ERBB4: variants seen among roughly 807,000 people sequenced by gnomAD.
ERBB4 encodes erb-b2 receptor tyrosine kinase 4.
Under a neutral mutation model 158.0 loss-of-function variants are expected in ERBB4, and 42 were observed. The observed-to-expected ratio is 0.27, with a 90% CI of 0.21 to 0.34. The LOEUF (loss-of-function observed/expected upper bound fraction) is 0.34, where lower values mean the gene tolerates loss of function less well. Ranked by LOEUF, ERBB4 falls within the 10% of genes least tolerant of loss-of-function variation. The pLI, the probability that ERBB4 is intolerant of heterozygous loss-of-function variation, is 1.00. For missense variants in ERBB4, 1,333 were observed against 1,624.1 expected, an observed-to-expected ratio of 0.82 and a Z score of 3.08; for synonymous variants, 583 against 558.7, an observed-to-expected ratio of 1.04 and a Z score of -0.61.
chr2:211,981,858 T>C (rs1448915931), intron 2 of ERBB4, among the ~76,000 whole-genome samples: 1 of 152,328 alleles, frequency 6.6e-6, no homozygotes, highest in Non-Finnish European at 1.5e-5. Flanking sequence ...TTCTACTTTG[T>C]AACACAGTAG....
chr2:212,356,284 T>C (rs774343648), intron 1 of ERBB4, among the ~76,000 whole-genome samples: 2 of 151,044 alleles, frequency 1.3e-5, no homozygotes, highest in African/African-American at 2.4e-5. Context: ...AAATATGTTT[T>C]CACAGGAGCA....
At chr2:211,433,733 A>G (rs1363354718) in intron 20 of ERBB4, among the ~76,000 whole-genome samples, 2 of 152,238 alleles carry the variant, frequency 1.3e-5, no homozygotes, top group Non-Finnish European at 2.9e-5. Flanking sequence ...GATGTAAAAT[A>G]AAGGCTGCAA....
intron 1 of ERBB4, among the ~76,000 whole-genome samples, chr2:212,491,480 C>A (rs1380395120): frequency 2.6e-5 from 4 of 151,468 alleles, no homozygotes; most frequent in Non-Finnish European, 4.4e-5. Context: ...GAAAGGAACT[C>A]ATTTCACAGA....
At chr2:211,439,310 G>T (rs2063924072) in intron 20 of ERBB4, among the ~76,000 whole-genome samples, 1 of 152,112 alleles carries the variant, frequency 6.6e-6, no homozygotes, top group African/African-American at 2.4e-5. Flanking sequence ...TGAAGACACA[G>T]TGAAATTCAC....
chr2:212,058,214 C>G (rs1269138901), intron 2 of ERBB4, among the ~76,000 whole-genome samples: 1 of 152,184 alleles, frequency 6.6e-6, no homozygotes, highest in African/African-American at 2.4e-5. Flanking sequence ...TTCCTGGACA[C>G]ATACACCCTC....
intron 2 of ERBB4, among the ~76,000 whole-genome samples, chr2:212,108,706 CTT>C (rs775193964): frequency 1.3e-4 from 13 of 97,050 alleles, no homozygotes; most frequent in East Asian, 6.0e-4. Flanking sequence ...AATGGGTCTG[CTT>C]TTTTTTTTTT....
intron 1 of ERBB4, among the ~76,000 whole-genome samples, chr2:212,153,624 G>C (rs1040853264): frequency 1.3e-5 from 2 of 152,096 alleles, no homozygotes; most frequent in African/African-American, 2.4e-5. Flanking sequence ...TATTACAAAA[G>C]TAATTGCGTT....
At chr2:211,493,269 CTAATT>C (rs563820317) in intron 20 of ERBB4, among the ~76,000 whole-genome samples, 7 of 152,104 alleles carry the variant, frequency 4.6e-5, no homozygotes, top group Admixed American at 4.6e-4. Context: ...AAACAAATTC[CTAATT>C]TATTTTCTTT....
chr2:212,002,384 G>T (rs370569379), intron 2 of ERBB4, among the ~76,000 whole-genome samples: 1 of 152,232 alleles, frequency 6.6e-6, no homozygotes, highest in East Asian at 1.9e-4. Flanking sequence ...TCTTCAGGGA[G>T]ATTAATTGCA....
intron 2 of ERBB4, among the ~76,000 whole-genome samples, chr2:212,063,618 A>C (rs989460629): frequency 1.3e-5 from 2 of 152,218 alleles, no homozygotes; most frequent in African/African-American, 4.8e-5. Context: ...CCATAGGGAA[A>C]AAAAATGACA....
At position 211,585,538 on chromosome 2, in the gene ERBB4, ATATT is replaced by A. The variant is rs1245257092; in HGVS notation, c.2302-23454_2302-23451del. ...GGGGTCATGATTTTTAAAAGTCAGA[ATATT>A]TATATATTTAATTATACATGTTTAA... is the stretch of plus-strand genomic sequence containing the variant. On this transcript the variant is annotated intron_variant, in intron 19 of 27. Transcript: ENST00000342788. 2.0e-5 allele frequency among the ~76,000 whole-genome samples: 3 copies of A among 152,190 alleles called. No homozygotes were observed. In the East Asian group the frequency reaches 5.8e-4, roughly 29 times the overall value.
chr2:212,414,089 A>G (rs1466318406), intron 1 of ERBB4, among the ~76,000 whole-genome samples: 1 of 152,194 alleles, frequency 6.6e-6, no homozygotes, highest in Admixed American at 6.5e-5. Context: ...ACTCTTAAAC[A>G]TGCACACATG....
chr2:212,460,755 C>T (rs1394252933), intron 1 of ERBB4, among the ~76,000 whole-genome samples: 1 of 152,138 alleles, frequency 6.6e-6, no homozygotes, highest in Non-Finnish European at 1.5e-5. Flanking sequence ...AAGAAAGTCC[C>T]AATTTCTGAG....
At chr2:211,790,761 T>C (rs1171472877) in intron 3 of ERBB4, among the ~76,000 whole-genome samples, 1 of 151,952 alleles carries the variant, frequency 6.6e-6, no homozygotes, top group Non-Finnish European at 1.5e-5. Context: ...TAATGATGGG[T>C]AGTTTATTTA....
At chr2:212,250,793 T>TG (rs1320686723) in intron 1 of ERBB4, among the ~76,000 whole-genome samples, 1 of 150,426 alleles carries the variant, frequency 6.6e-6, no homozygotes, top group Non-Finnish European at 1.5e-5. Context: ...AAGATTATGG[T>TG]GAAAAAAAAC....
At chr2:212,380,770 T>A (rs1221630517) in intron 1 of ERBB4, among the ~76,000 whole-genome samples, 1 of 151,196 alleles carries the variant, frequency 6.6e-6, no homozygotes, top group African/African-American at 2.4e-5. Context: ...CAATAATTGT[T>A]AAAATCACAT....
chr2:212,340,712 A>G (rs549505276), intron 1 of ERBB4, among the ~76,000 whole-genome samples: 1 of 152,274 alleles, frequency 6.6e-6, no homozygotes, highest in African/African-American at 2.4e-5. Flanking sequence ...GTAAATACAG[A>G]TGAAGCTTTG....
intron 1 of ERBB4, among the ~76,000 whole-genome samples, chr2:212,153,359 A>C (rs190019897): frequency 1.6e-3 from 248 of 152,284 alleles, no homozygotes; most frequent in Non-Finnish European, 3.1e-3. Flanking sequence ...AATAGGACAA[A>C]GTTCTCTACT....
At chr2:211,565,244 G>A (rs1332209393) in intron 19 of ERBB4, among the ~76,000 whole-genome samples, 1 of 152,068 alleles carries the variant, frequency 6.6e-6, no homozygotes, top group Non-Finnish European at 1.5e-5. Flanking sequence ...AATCATAATA[G>A]TTTAAACATG....
Sources: gnomAD v4.1 joint callset for allele counts (sites outside exome capture counted in the v4.1 genomes callset) on GRCh38, gnomAD v4.1.1 for gene constraint, MANE v1.5 for transcripts, NCBI Gene and HGNC (gene_info 2026-07-23, HGNC 2026-07-21) for gene names.